Variants in BAZ2B observed in about 807,000 individuals in gnomAD.
BAZ2B encodes the protein bromodomain adjacent to zinc finger domain 2B.
A neutral mutation model predicts 246.0 loss-of-function variants in BAZ2B; 91 were observed. The ratio of observed to expected loss-of-function variants is 0.37; its 90% CI spans 0.31 to 0.44. The LOEUF (loss-of-function observed/expected upper bound fraction) is 0.44. Ranked by LOEUF, BAZ2B falls within the 20% of genes least tolerant of loss-of-function variation. The pLI, the probability that BAZ2B is intolerant of heterozygous loss-of-function variation, is 1.00. For missense variants in BAZ2B, 2,332 were observed against 2,533.7 expected (o/e 0.92, Z 1.71); for synonymous variants, 855 against 860.0 (o/e 0.99, Z 0.10).
chr2:159,440,463 CAT>C (rs959214893), intron 6 of BAZ2B, among the ~76,000 whole-genome samples: 1 of 149,862 alleles, frequency 6.7e-6, no homozygotes, highest in Non-Finnish European at 1.5e-5. Context: ...AGGTAACATT[CAT>C]ATGAGTGAGG....
intron 6 of BAZ2B, chr2:159,444,222 C>T (rs2073910015): frequency 6.6e-6 from 1 of 151,836 alleles, no homozygotes; most frequent in Non-Finnish European, 1.5e-5. Context: ...TACAGAACAA[C>T]AGGTGGAGAG....
the BAZ2B span, among the ~76,000 whole-genome samples, chr2:159,666,560 G>A: frequency 1.3e-5 from 2 of 152,068 alleles, no homozygotes; most frequent in Non-Finnish European, 2.9e-5. Context: ...ATGCCCAGCT[G>A]ATTCATACTT....
At chr2:159,433,847 C>T (rs2071606591) in intron 8 of BAZ2B, 1 of 154,228 alleles carries the variant, frequency 6.5e-6, no homozygotes, top group South Asian at 2.0e-4. Context: ...CCCATAAACT[C>T]ATCGAAAGTT....
intron 1 of BAZ2B, among the ~76,000 whole-genome samples, chr2:159,583,130 T>G (rs1239426941): frequency 8.7e-6 from 1 of 115,606 alleles, no homozygotes; most frequent in Non-Finnish European, 1.7e-5. Flanking sequence ...TTTTTTTTTG[T>G]TGAGACGGAG....
chr2:159,419,426 A>G (rs2068338241), intron 13 of BAZ2B, among the ~76,000 whole-genome samples: 1 of 152,200 alleles, frequency 6.6e-6, no homozygotes, highest in Non-Finnish European at 1.5e-5. Flanking sequence ...TATTATGTCT[A>G]TTTCTAGCTA....
At chr2:159,580,231 C>A (rs1185720356) in intron 1 of BAZ2B, among the ~76,000 whole-genome samples, 1 of 152,164 alleles carries the variant, frequency 6.6e-6, no homozygotes, top group Admixed American at 6.5e-5. Context: ...TCTCAGGATA[C>A]AAAATCAATG....
chr2:159,627,653 T>C, the BAZ2B span, among the ~76,000 whole-genome samples: 2 of 152,298 alleles, frequency 1.3e-5, no homozygotes, highest in Admixed American at 6.5e-5. Flanking sequence ...GAACTAGGTA[T>C]TGATGAAGCG....
At chr2:159,670,582 A>C in the BAZ2B span, 1 of 152,202 alleles carries the variant, frequency 6.6e-6, no homozygotes, top group African/African-American at 2.4e-5. Flanking sequence ...CAATGTAAAT[A>C]TGTATTACAT....
rs151109191 is a variant in BAZ2B at position 159,499,192 on chromosome 2, G to A, written c.-2-20471C>T. 3.4e-3 allele frequency among the ~76,000 whole-genome samples: 510 copies of A among 152,158 alleles called. 4 individuals carry two copies. The highest frequency in any genetic ancestry group is 0.011 in the African/African-American group (469 of 41,508). ...CTCTCACCCCCGTCCCCGCCACTCCGACATGCACCAGTGTGTGTATATCTC... is the reference window on the plus strand; with the variant it reads ...CTCTCACCCCCGTCCCCGCCACTCCAACATGCACCAGTGTGTGTATATCTC... On this transcript the variant is annotated intron_variant, in intron 2 of 36. Coordinates refer to ENST00000392783, the MANE Select transcript of BAZ2B (RefSeq NM_013450.4).
At position 159,478,619 on chromosome 2, in the gene BAZ2B, A is replaced by C. The variant is rs757263905; in HGVS notation, c.101T>G (p.Leu34Arg). 1 of 1,612,032 alleles carries C rather than the reference A, an allele frequency of 6.2e-7. No homozygotes were observed. Among genetic ancestry groups the C allele is most frequent in the Admixed American group, 1.7e-5 (1 of 59,848 alleles). The stretch of plus-strand genomic sequence containing the variant: ...GCTAAGTGAAGCAACTCCAGTGGAA[A>C]GGCCACCTTTTGAAACTACTGAAGC... Reference protein sequence around the residue: ...SVASVVSKGGLSTGVASLSST... With the variant: ...SVASVVSKGGRSTGVASLSST... Residue 34 changes from leucine to arginine, a missense_variant, in exon 3 of 37, where the codon CTT (leucine) becomes CGT (arginine). By Grantham distance (102) the Leu-to-Arg change is moderately radical. Coordinates refer to ENST00000392783, the MANE Select transcript of BAZ2B (RefSeq NM_013450.4).
At chr2:159,547,215 T>C (rs1312077986) in intron 2 of BAZ2B, among the ~76,000 whole-genome samples, 4 of 152,216 alleles carry the variant, frequency 2.6e-5, no homozygotes, top group African/African-American at 7.2e-5. Context: ...AGTTTACACA[T>C]ACTATCTTAC....
At chr2:159,419,318 G>A (rs940029308) in intron 13 of BAZ2B, among the ~76,000 whole-genome samples, 1 of 152,092 alleles carries the variant, frequency 6.6e-6, no homozygotes, top group Non-Finnish European at 1.5e-5. Context: ...AAGGGTATCA[G>A]ATATTTGCGA....
intron 2 of BAZ2B, among the ~76,000 whole-genome samples, chr2:159,537,808 A>T (rs796742329): frequency 3.6e-4 from 55 of 151,390 alleles, no homozygotes; most frequent in African/African-American, 1.3e-3. Flanking sequence ...CTTTTTGAAA[A>T]TTTTTTTTTC....
At chr2:159,363,522 C>G (rs929613504) in intron 27 of BAZ2B, among the ~76,000 whole-genome samples, 4 of 152,016 alleles carry the variant, frequency 2.6e-5, no homozygotes, top group Non-Finnish European at 4.4e-5. Context: ...ATACAAGCCC[C>G]ACAGCAGAGG....
intron 3 of BAZ2B, chr2:159,463,193 T>A (rs2076621354): frequency 1.8e-6 from 1 of 560,516 alleles, no homozygotes; most frequent in African/African-American, 1.9e-5. Context: ...GGTGCATGAG[T>A]GATGAATTTA....
intron 27 of BAZ2B, among the ~76,000 whole-genome samples, chr2:159,369,413 G>A (rs1307759370): frequency 6.6e-6 from 1 of 152,106 alleles, no homozygotes; most frequent in Non-Finnish European, 1.5e-5. Flanking sequence ...TCATGTTACA[G>A]GTTATAGAGG....
At chr2:159,337,110 A>G in intron 32 of BAZ2B, 33 bp from the exon 33 acceptor site, 1 of 1,587,726 alleles carries the variant, frequency 6.3e-7, no homozygotes. Context: ...TAAGTAGGTC[A>G]TGTCCACACT....
the BAZ2B span, among the ~76,000 whole-genome samples, chr2:159,697,731 A>G: frequency 3.3e-5 from 5 of 152,150 alleles, no homozygotes; most frequent in Non-Finnish European, 7.4e-5. Flanking sequence ...AAATATAAAT[A>G]TCTTATATAA....
At chr2:159,342,516 G>GCTCAAGTGATCCTCTCA (rs2066905436) in intron 31 of BAZ2B, among the ~76,000 whole-genome samples, 1 of 152,036 alleles carries the variant, frequency 6.6e-6, no homozygotes, top group Non-Finnish European at 1.5e-5. Flanking sequence ...AAACTCCTGA[G>GCTCAAGTGATCCTCTCA]CTCAAGTGAT....
Sources: allele counts gnomAD v4.1 joint callset (sites outside exome capture counted in the v4.1 genomes callset), GRCh38; gene constraint gnomAD v4.1.1; transcripts MANE v1.5; gene names NCBI Gene and HGNC (gene_info 2026-07-23, HGNC 2026-07-21).